RPAIN: variants seen among roughly 807,000 people sequenced by gnomAD.
RPAIN encodes RPA-interacting protein.
RPAIN carries 29 observed loss-of-function variants against 30.5 expected under a neutral mutation model. The observed-to-expected ratio is 0.95, with a 90% CI of 0.71 to 1.30. The LOEUF (loss-of-function observed/expected upper bound fraction) is 1.30, where lower values mean the gene tolerates loss of function less well. RPAIN is among the 50% of genes most tolerant of loss of function. RPAIN has a pLI of 0.00. For synonymous variants in RPAIN, 101 were observed against 93.5 expected (o/e 1.08, Z -0.46); for missense variants, 247 against 264.7 (o/e 0.93, Z 0.46).
chr17:5,422,692 C>G lies in RPAIN; in HGVS notation c.253-77C>G, dbSNP rs1009410834. On this transcript the variant is annotated intron_variant, in intron 2 of 6. Transcript: ENST00000381209. ...ATAAATCTGGGTTCTTCAAGCCAGCCTCCAAGTATGAATCACTGTGGGGCT... is the reference window on the plus strand; with the variant it reads ...ATAAATCTGGGTTCTTCAAGCCAGCGTCCAAGTATGAATCACTGTGGGGCT... 1.4e-4 allele frequency: 193 copies of G among 1,376,560 alleles called. 3 individuals carry two copies. In the South Asian group the frequency reaches 1.5e-3, roughly 11 times the overall value. The allele number at this position is 1,376,560 out of a possible 1,614,324, so 85.3% of individuals were successfully genotyped here. A position where few individuals can be genotyped will look rare whatever the true frequency, so the allele number is the denominator to read the frequency against.
At position 5,428,407 on chromosome 17, in the gene RPAIN, G is replaced by C. The variant is rs1326090953; in HGVS notation, c.630+196G>C. On this transcript the variant is annotated intron_variant, in intron 6 of 6. Coordinates refer to ENST00000381209, the MANE Select transcript of RPAIN (RefSeq NM_001033002.4). The stretch of plus-strand genomic sequence containing the variant: ...CCAGTCAGAAAGAAGGGAAGAGGCA[G>C]CATGGGATCACGGCAAGAGGATTGG... 2.7e-6 allele frequency: 4 copies of C among 1,472,878 alleles called. No homozygotes were observed. In the African/African-American group the frequency reaches 5.6e-5, roughly 21 times the overall value. The allele number at this position is 1,472,878 out of a possible 1,614,324, so 91.2% of individuals were successfully genotyped here. A position where few individuals can be genotyped will look rare whatever the true frequency, so the allele number is the denominator to read the frequency against.
intron 3 of RPAIN, among the ~76,000 whole-genome samples, chr17:5,424,005 T>G (rs74595280): frequency 6.9e-6 from 1 of 144,720 alleles, no homozygotes; most frequent in Non-Finnish European, 1.5e-5. Context: ...TTTTTTTTTT[T>G]GAGATAGGTT....
intron 1 of RPAIN, 113 bp downstream of exon 1, chr17:5,420,404 T>TG: frequency 1.1e-6 from 1 of 870,150 alleles, no homozygotes; most frequent in Non-Finnish European, 1.8e-6. Flanking sequence ...GCGCCTGGTC[T>TG]GGTCAAACCC....
intron 3 of RPAIN, among the ~76,000 whole-genome samples, chr17:5,424,127 G>A (rs941088332): frequency 1.7e-4 from 25 of 150,972 alleles, no homozygotes; most frequent in African/African-American, 4.6e-4. Context: ...AGCTGGGACC[G>A]CAAGTGTGCA....
At chr17:5,432,222 AAG>A (rs1916041444) in intron 6 of RPAIN, 1 of 308,886 alleles carries the variant, frequency 3.2e-6, no homozygotes. Flanking sequence ...CCAGGCTATC[AAG>A]AGTTTGAATA....
intron 6 of RPAIN, chr17:5,428,784 T>C (rs1915647594): frequency 4.0e-6 from 4 of 991,446 alleles, no homozygotes; most frequent in Non-Finnish European, 3.6e-6. Flanking sequence ...TACATGTGTA[T>C]ATATATCACA....
chr17:5,426,383 C>T (rs1280274115), intron 5 of RPAIN, 84 bp downstream of exon 5: 5 of 1,163,742 alleles, frequency 4.3e-6, no homozygotes, highest in Non-Finnish European at 6.5e-6. Flanking sequence ...TGACTTGGAG[C>T]CCATTGTGCA....
intron 5 of RPAIN, chr17:5,426,885 AC>A (rs1305683986): frequency 6.7e-6 from 1 of 150,010 alleles, no homozygotes; most frequent in African/African-American, 2.5e-5. Context: ...TTCGTGATCC[AC>A]CCACTTCAGC....
intron 4 of RPAIN, 47 bp downstream of exon 4, chr17:5,426,129 A>G: frequency 6.4e-7 from 1 of 1,560,510 alleles, no homozygotes; most frequent in Non-Finnish European, 8.8e-7. Flanking sequence ...CCCATTCCCC[A>G]CTCCAAGGTG....
Position 5,420,310 on chromosome 17 carries a change from C to T in RPAIN, c.81+19C>T, listed in dbSNP as rs1344937733. On this transcript the variant is annotated intron_variant, in intron 1 of 6. Transcript: ENST00000381209. ...CCGGCAGGTGGGTATGGGGTTTGTGCAGTGGTCTACCCTAGATCGTCCCGG... is the reference window on the plus strand; with the variant it reads ...CCGGCAGGTGGGTATGGGGTTTGTGTAGTGGTCTACCCTAGATCGTCCCGG... 2 of 1,607,080 alleles carry T rather than the reference C, an allele frequency of 1.2e-6. No individual in the cohort carries two copies. Among genetic ancestry groups the T allele is most frequent in the South Asian group, 2.2e-5 (2 of 90,818 alleles).
chr17:5,431,222 CA>C (rs1403719797), intron 6 of RPAIN: 1 of 344,156 alleles, frequency 2.9e-6, no homozygotes, highest in Non-Finnish European at 5.7e-6. Context: ...CACTGTGGTT[CA>C]CACCTGTAAC....
intron 6 of RPAIN, chr17:5,428,989 G>C (rs1915663417): frequency 2.1e-6 from 2 of 960,532 alleles, no homozygotes; most frequent in Non-Finnish European, 2.5e-6. Flanking sequence ...ATTATAAGCA[G>C]CATTGCCTGG....
At chr17:5,423,097 G>C (rs570058934) in intron 3 of RPAIN, 54 of 316,382 alleles carry the variant, frequency 1.7e-4, no homozygotes, top group African/African-American at 1.1e-3. Context: ...TATTAGAACA[G>C]AAGGTGGTTG....
In RPAIN at chr17:5,422,753, C is replaced by G; in HGVS notation, c.253-16C>G. On this transcript the variant is annotated splice_polypyrimidine_tract_variant and intron_variant, in intron 2 of 6. Transcript: ENST00000381209. ...TTAATACTTCAAACTTCTGATGCCGCTCCTTTCTCTTCCAGCTGGAGGAGC... is the reference window on the plus strand; with the variant it reads ...TTAATACTTCAAACTTCTGATGCCGGTCCTTTCTCTTCCAGCTGGAGGAGC... The G allele has an allele frequency of 6.2e-7, 1 of 1,612,206 alleles. No homozygotes were observed. Among genetic ancestry groups the G allele is most frequent in the Non-Finnish European group, 8.5e-7 (1 of 1,178,618 alleles).
intron 5 of RPAIN, 72 bp downstream of exon 5, chr17:5,426,371 G>GCACTGGAGGAT: frequency 7.6e-7 from 1 of 1,312,958 alleles, no homozygotes; most frequent in Non-Finnish European, 1.1e-6. Flanking sequence ...ATCCTCCAGT[G>GCACTGGAGGAT]CTGACTTGGA....
In RPAIN at chr17:5,428,133, T is replaced by C; in HGVS notation, c.552T>C (p.Ser184=). 6.2e-7 allele frequency: 1 copy of C among 1,614,134 alleles called. No individual in the cohort carries two copies. The highest frequency in any genetic ancestry group is 8.5e-7 in the Non-Finnish European group (1 of 1,179,968). Residue 184 remains serine, a synonymous_variant, in exon 6 of 7, where the codon AGT becomes AGC. Coordinates refer to ENST00000381209, the MANE Select transcript of RPAIN (RefSeq NM_001033002.4). ...TAGAGGGTAGTATAAATGAGCACAG[T>C]GCACATTGTCCCCACACACCTGAAT... ...ACLEGSINEH[S]AHCPHTPEFS...
intron 6 of RPAIN, chr17:5,428,556 G>C: frequency 8.0e-7 from 1 of 1,246,532 alleles, no homozygotes; most frequent in Non-Finnish European, 1.0e-6. Context: ...CACTTTTGCG[G>C]AAGGAAACAG....
At chr17:5,424,835 T>C (rs8066928) in intron 3 of RPAIN, among the ~76,000 whole-genome samples, 41,217 of 152,198 alleles carry the variant, frequency 0.27, 6,869 homozygotes, top group East Asian at 0.82. Flanking sequence ...TTATCATCTT[T>C]TTTTATTGAT....
At chr17:5,424,267 A>G (rs577920515) in intron 3 of RPAIN, among the ~76,000 whole-genome samples, 2 of 152,224 alleles carry the variant, frequency 1.3e-5, no homozygotes, top group Admixed American at 6.5e-5. Context: ...TTTTGAGATT[A>G]CAGGCATGAG....
Sources: gnomAD v4.1 joint callset for allele counts (sites outside exome capture counted in the v4.1 genomes callset) on GRCh38, gnomAD v4.1.1 for gene constraint, MANE v1.5 for transcripts, NCBI Gene and HGNC (gene_info 2026-07-23, HGNC 2026-07-21) for gene names.